Variants in FBXO42 observed in about 807,000 individuals in gnomAD.
FBXO42 encodes F-box protein 42.
In FBXO42, 12 loss-of-function variants were observed where a neutral mutation model predicts 71.7. The ratio of observed to expected loss-of-function variants is 0.17; its 90% CI spans 0.11 to 0.27. FBXO42 has a LOEUF of 0.27. Ranked by LOEUF, FBXO42 falls within the 10% of genes least tolerant of loss-of-function variation. The probability of loss-of-function intolerance (pLI) is 1.00; values close to 1 mark genes in which losing one functional copy is unlikely to be tolerated. For synonymous variants in FBXO42, 325 were observed against 327.5 expected (o/e 0.99, Z 0.08); for missense variants, 707 against 911.9 (o/e 0.78, Z 2.89).
chr1:16,350,753 A>AGAAAGAAAGAAAGAAAGAAAGAAAGAAAG lies in FBXO42; in HGVS notation c.-18+1501_-18+1502insCTTTCTTTCTTTCTTTCTTTCTTTCTTTC, dbSNP rs1553156680. Among the ~76,000 whole-genome samples the AGAAAGAAAGAAAGAAAGAAAGAAAGAAAG allele has an allele frequency of 3.8e-4, 11 of 28,864 alleles. 1 individual carries two copies. The highest frequency in any genetic ancestry group is 5.7e-4 in the Non-Finnish European group (9 of 15,888). The allele number at this position is 28,864 out of a possible 152,430, so 18.9% of individuals were successfully genotyped here. ...CAGAGTGAGAAACTGCAAAAAAAAA[A>AGAAAGAAAGAAAGAAAGAAAGAAAGAAAG]AAAAAAAGAAAGAAAGAAAGAAAGA... On this transcript the variant is annotated intron_variant, in intron 1 of 9. Transcript: ENST00000375592.
intron 2 of FBXO42, among the ~76,000 whole-genome samples, chr1:16,313,267 T>TA (rs869178469): frequency 2.6e-4 from 7 of 26,492 alleles, no homozygotes; most frequent in East Asian, 1.6e-3. Flanking sequence ...TAAATAAAAA[T>TA]AAAAAAAAAA....
chr1:16,305,415 C>T (rs1374627065), intron 3 of FBXO42, among the ~76,000 whole-genome samples: 2 of 151,940 alleles, frequency 1.3e-5, no homozygotes, highest in Non-Finnish European at 2.9e-5. Flanking sequence ...AATTAAAAGT[C>T]GGATAAAATA....
intron 1 of FBXO42, among the ~76,000 whole-genome samples, chr1:16,317,056 G>A (rs996586993): frequency 5.9e-5 from 9 of 151,972 alleles, no homozygotes; most frequent in East Asian, 1.9e-4. Context: ...TGAGGCGGGC[G>A]GATCACCTGA....
At chr1:16,326,042 G>GTC (rs1182791287) in intron 1 of FBXO42, among the ~76,000 whole-genome samples, 1 of 150,354 alleles carries the variant, frequency 6.7e-6, no homozygotes, top group Non-Finnish European at 1.5e-5. Context: ...GTGTGTGTGT[G>GTC]TGTGTGTCTG....
intron 1 of FBXO42, among the ~76,000 whole-genome samples, chr1:16,346,794 G>C (rs934287019): frequency 7.4e-6 from 1 of 135,928 alleles, no homozygotes; most frequent in Non-Finnish European, 1.5e-5. Flanking sequence ...TCACTCTGTC[G>C]CCCAGGCTGG....
At position 16,316,063 on chromosome 1, in the gene FBXO42, G is replaced by C. The variant is rs527926538; in HGVS notation, c.-17-628C>G. Among the ~76,000 whole-genome samples, 5 of 151,296 alleles carry C rather than the reference G, an allele frequency of 3.3e-5. No homozygotes were observed. The South Asian group carries it at 1.0e-3, about 32-fold the overall frequency. ...CACATGCCTGTAATCCCAGCTACTC[G>C]GGAGGCTGAGGCAGGAGAATCACTT... is the stretch of plus-strand genomic sequence containing the variant. On this transcript the variant is annotated intron_variant, in intron 1 of 9. Transcript: ENST00000375592.
chr1:16,271,258 G>GTGTGT (rs2081841264), intron 4 of FBXO42, among the ~76,000 whole-genome samples: 1 of 137,426 alleles, frequency 7.3e-6, no homozygotes, highest in Non-Finnish European at 1.6e-5. Context: ...TGTGTGTGTT[G>GTGTGT]GTGTGTGTGT....
At chr1:16,336,878 G>C (rs570781491) in intron 1 of FBXO42, among the ~76,000 whole-genome samples, 16 of 152,022 alleles carry the variant, frequency 1.1e-4, no homozygotes, top group Non-Finnish European at 1.5e-4. Context: ...CTAGCTACTT[G>C]GGAGGCTGAG....
intron 4 of FBXO42, among the ~76,000 whole-genome samples, chr1:16,276,392 A>AAAAAG (rs1194931262): frequency 1.1e-4 from 16 of 151,540 alleles, no homozygotes; most frequent in East Asian, 9.7e-4. Context: ...AAAAAAAAAA[A>AAAAAG]AAAAGAAAAG....
chr1:16,334,155 C>T (rs977167385), intron 1 of FBXO42, among the ~76,000 whole-genome samples: 5 of 152,152 alleles, frequency 3.3e-5, no homozygotes, highest in East Asian at 3.9e-4. Flanking sequence ...GATTCTAGGC[C>T]GGGCCCGGTG....
chr1:16,283,220 T>C (rs968918592), intron 4 of FBXO42, among the ~76,000 whole-genome samples: 5 of 152,128 alleles, frequency 3.3e-5, no homozygotes, highest in African/African-American at 1.2e-4. Context: ...AACTGAGAAG[T>C]AGCAAGGCCA....
rs1235885858 is a variant in FBXO42, at chr1:16,251,684, T to C, written c.1140A>G (p.Pro380=). The part of the protein sequence containing the change: ...SRPSPISATP[P]ALVPETREYR... ...ACTCTCGGGTTTCAGGAACGAGAGC[T>C]GGAGGAGTGGCACTGATAGGTGATG... The change falls in exon 10 of 10, where the codon CCA becomes CCG. Residue 380 remains proline, a synonymous_variant. Coordinates refer to ENST00000375592, the MANE Select transcript of FBXO42 (RefSeq NM_018994.3). The surrounding 1 kb of genome is among the most constrained non-coding windows in gnomAD (Gnocchi z 4.5). 1 of 1,614,200 alleles carries C rather than the reference T, an allele frequency of 6.2e-7. No individual in the cohort carries two copies. Among genetic ancestry groups the C allele is most frequent in the South Asian group, 1.1e-5 (1 of 91,078 alleles).
chr1:16,331,422 A>AAATAATAATAAT (rs200267691), intron 1 of FBXO42, among the ~76,000 whole-genome samples: 3,452 of 145,636 alleles, frequency 0.024, 139 homozygotes, highest in African/African-American at 0.08. Flanking sequence ...CTCAAAAAGA[A>AAATAATAATAAT]AATAATAATA....
rs2081550278 is a variant in FBXO42, at chr1:16,247,891, A to C, written c.*2779T>G. On this transcript the variant is annotated 3_prime_UTR_variant, in exon 10 of 10. Coordinates refer to ENST00000375592, the MANE Select transcript of FBXO42 (RefSeq NM_018994.3). Reference sequence around the variant, plus strand: ...AGGGAGAGACTAAAATTCTTAAGTAAGATGGACAAGGTGACCAGTGAAGTC... The same window carrying C: ...AGGGAGAGACTAAAATTCTTAAGTACGATGGACAAGGTGACCAGTGAAGTC... 1 of 151,706 alleles carries C rather than the reference A, an allele frequency of 6.6e-6. No individual in the cohort carries two copies. The highest frequency in any genetic ancestry group is 1.5e-5 in the Non-Finnish European group (1 of 68,040). 9.4% of individuals were successfully genotyped at this position (151,706 alleles called of 1,614,324 possible).
At chr1:16,283,182 C>CA (rs779965935) in intron 4 of FBXO42, among the ~76,000 whole-genome samples, 8 of 151,958 alleles carry the variant, frequency 5.3e-5, no homozygotes, top group African/African-American at 1.7e-4. Flanking sequence ...CCAGAGAATG[C>CA]AAAAAATGAT....
chr1:16,273,884 CAAG>C (rs2100482073), intron 4 of FBXO42, among the ~76,000 whole-genome samples: 1 of 151,582 alleles, frequency 6.6e-6, no homozygotes, highest in African/African-American at 2.4e-5. Flanking sequence ...CTGTCTCAAA[CAAG>C]AAAAAAAGTG....
chr1:16,250,639 G>A lies in FBXO42; in HGVS notation c.*31C>T, dbSNP rs2100420701. 1 of 1,579,174 alleles carries A rather than the reference G, an allele frequency of 6.3e-7. No individual in the cohort carries two copies. Among genetic ancestry groups the A allele is most frequent in the Middle Eastern group, 1.8e-4 (1 of 5,460 alleles). On this transcript the variant is annotated 3_prime_UTR_variant, in exon 10 of 10. Transcript: ENST00000375592. This position sits in a 1 kb window ranked among gnomAD's most constrained non-coding sequence, Gnocchi z 4.7. Reference sequence around the variant, plus strand: ...CACACTGGAAAATTCCAAATTAAAAGCCACAGAAAAGGAAAGGGGTTTAGA... The same window carrying A: ...CACACTGGAAAATTCCAAATTAAAAACCACAGAAAAGGAAAGGGGTTTAGA...
chr1:16,345,568 C>A (rs1004624701), intron 1 of FBXO42, among the ~76,000 whole-genome samples: 1 of 145,586 alleles, frequency 6.9e-6, no homozygotes, highest in Admixed American at 6.8e-5. Context: ...GACACTGAGT[C>A]GCCAGGCGCG....
chr1:16,330,268 C>T (rs1021878059), intron 1 of FBXO42, among the ~76,000 whole-genome samples: 1 of 152,106 alleles, frequency 6.6e-6, no homozygotes, highest in Non-Finnish European at 1.5e-5. Flanking sequence ...TGCCTGTAAT[C>T]CCAGCACTTT....
Sources: gnomAD v4.1 joint callset for allele counts (sites outside exome capture counted in the v4.1 genomes callset) on GRCh38, gnomAD v4.1.1 for gene constraint, Gnocchi (gnomAD v3.1) non-coding constraint, MANE v1.5 for transcripts, NCBI Gene and HGNC (gene_info 2026-07-23, HGNC 2026-07-21) for gene names.